COMMD1: variants seen among roughly 807,000 people sequenced by gnomAD.
COMMD1 encodes the protein COMM domain-containing protein 1.
COMMD1 carries 10 observed loss-of-function variants against 17.2 expected under a neutral mutation model. That is an observed-to-expected ratio of 0.58 (90% CI 0.36 to 0.99). COMMD1 has a LOEUF of 0.99. Ranked by LOEUF, COMMD1 falls within the 50% of genes least tolerant of loss-of-function variation. The probability of loss-of-function intolerance (pLI) is 0.01; values close to 1 mark genes in which losing one functional copy is unlikely to be tolerated. For missense variants in COMMD1, 270 were observed against 231.8 expected, an observed-to-expected ratio of 1.17 and a Z score of -1.07; for synonymous variants, 97 against 91.6, an observed-to-expected ratio of 1.06 and a Z score of -0.34.
intron 2 of COMMD1, among the ~76,000 whole-genome samples, chr2:62,066,778 T>G (rs914489686): frequency 6.6e-6 from 1 of 151,598 alleles, no homozygotes; most frequent in African/African-American, 2.4e-5. Flanking sequence ...CAGGCTGGAG[T>G]GCAGAGGTGG....
intron 1 of COMMD1, among the ~76,000 whole-genome samples, chr2:61,946,538 C>G (rs967096895): frequency 8.5e-5 from 13 of 152,290 alleles, no homozygotes; most frequent in African/African-American, 3.1e-4. Flanking sequence ...ATCTTTTACA[C>G]AGTCTCTCAT....
chr2:61,986,410 A>G (rs4130742), intron 1 of COMMD1, among the ~76,000 whole-genome samples: 17,919 of 151,862 alleles, frequency 0.12, 2,538 homozygotes, highest in African/African-American at 0.34. Context: ...TTCTTGAATA[A>G]TGATGTCTTT....
chr2:61,951,194 T>C, intron 1 of COMMD1, among the ~76,000 whole-genome samples: 1 of 152,174 alleles, frequency 6.6e-6, no homozygotes, highest in East Asian at 1.9e-4. Flanking sequence ...CTGGGCACAG[T>C]GGCTTATATC....
rs908939226 is a variant in COMMD1 at position 61,991,636 on chromosome 2, T to A, written c.181-9065T>A. On this transcript the variant is annotated intron_variant, in intron 1 of 2. Coordinates refer to ENST00000311832, the MANE Select transcript of COMMD1 (RefSeq NM_152516.4). The stretch of plus-strand genomic sequence containing the variant: ...GGGGAAGCCATACTTGAACTGAGTC[T>A]TGAATGGTGAATAGAAATTAATCTG... Among the ~76,000 whole-genome samples, 13 of 152,308 alleles carry A rather than the reference T, an allele frequency of 8.5e-5. No homozygotes were observed. In the East Asian group the frequency reaches 1.5e-3, roughly 18 times the overall value.
intron 2 of COMMD1, among the ~76,000 whole-genome samples, chr2:62,025,495 A>G (rs1669729847): frequency 6.6e-6 from 1 of 152,204 alleles, no homozygotes; most frequent in Non-Finnish European, 1.5e-5. Context: ...GTGCCACTGC[A>G]TTCCAGCCTG....
intron 2 of COMMD1, among the ~76,000 whole-genome samples, chr2:62,117,742 C>T (rs1287016966): frequency 6.6e-6 from 1 of 152,122 alleles, no homozygotes; most frequent in African/African-American, 2.4e-5. Context: ...TCTGGCTCCC[C>T]CTGAATTTGC....
intron 2 of COMMD1, among the ~76,000 whole-genome samples, chr2:62,038,333 A>G (rs1237290938): frequency 6.6e-6 from 1 of 152,092 alleles, no homozygotes; most frequent in Non-Finnish European, 1.5e-5. Context: ...AATAACCAAA[A>G]AACGATGAAT....
At chr2:62,087,834 A>G (rs964846010) in intron 2 of COMMD1, among the ~76,000 whole-genome samples, 7 of 152,192 alleles carry the variant, frequency 4.6e-5, no homozygotes, top group African/African-American at 1.7e-4. Context: ...GTAGGGAGAT[A>G]ATATCCATGT....
Position 61,982,056 on chromosome 2 carries a change from A to C in COMMD1, c.181-18645A>C, listed in dbSNP as rs1395923002. The stretch of plus-strand genomic sequence containing the variant: ...TGGTATTTTGATAGGGATTGCATTG[A>C]ATCTGTAGATTGCTTTGCATAGTAT... On this transcript the variant is annotated intron_variant, in intron 1 of 2. Coordinates refer to ENST00000311832, the MANE Select transcript of COMMD1 (RefSeq NM_152516.4). Among the ~76,000 whole-genome samples the C allele has an allele frequency of 2.6e-5, 4 of 152,200 alleles. No homozygotes were observed. In the East Asian group the frequency reaches 7.7e-4, roughly 29 times the overall value.
chr2:62,132,731 C>T (rs1032736575), intron 2 of COMMD1, among the ~76,000 whole-genome samples: 1 of 152,026 alleles, frequency 6.6e-6, no homozygotes, highest in Non-Finnish European at 1.5e-5. Context: ...CACCTGTAAT[C>T]CCAGCCACTC....
At chr2:61,950,724 G>A (rs1013891979) in intron 1 of COMMD1, among the ~76,000 whole-genome samples, 2 of 152,182 alleles carry the variant, frequency 1.3e-5, no homozygotes, top group African/African-American at 4.8e-5. Context: ...TAATTGACCT[G>A]ATAACTGAGA....
chr2:61,920,885 A>G (rs575112177), intron 1 of COMMD1, among the ~76,000 whole-genome samples: 1 of 150,930 alleles, frequency 6.6e-6, no homozygotes, highest in Non-Finnish European at 1.5e-5. Context: ...GTTTATATAT[A>G]TATATAAATG....
At chr2:62,072,303 C>T (rs1007415211) in intron 2 of COMMD1, among the ~76,000 whole-genome samples, 19 of 152,034 alleles carry the variant, frequency 1.2e-4, no homozygotes, top group Non-Finnish European at 2.6e-4. Context: ...AGAACTTCCT[C>T]GATGCCTTTT....
At chr2:62,071,319 G>A (rs1671193497) in intron 2 of COMMD1, among the ~76,000 whole-genome samples, 1 of 152,214 alleles carries the variant, frequency 6.6e-6, no homozygotes, top group African/African-American at 2.4e-5. Context: ...AATAAGCAGT[G>A]AGGATGACCA....
At chr2:62,046,539 T>C (rs1001821165) in intron 2 of COMMD1, among the ~76,000 whole-genome samples, 3 of 152,192 alleles carry the variant, frequency 2.0e-5, no homozygotes, top group African/African-American at 7.2e-5. Flanking sequence ...TACTACTATT[T>C]TCTGCCTGAA....
At chr2:61,907,286 T>C (rs1669796585) in intron 1 of COMMD1, among the ~76,000 whole-genome samples, 1 of 152,182 alleles carries the variant, frequency 6.6e-6, no homozygotes, top group Non-Finnish European at 1.5e-5. Flanking sequence ...TTTGTATTTT[T>C]AGTAGAGACT....
intron 1 of COMMD1, among the ~76,000 whole-genome samples, chr2:61,938,043 A>C (rs776230697): frequency 1.3e-5 from 2 of 152,152 alleles, no homozygotes; most frequent in Non-Finnish European, 2.9e-5. Flanking sequence ...GATTGGGCCC[A>C]GTGGGATTGT....
rs115363069 is a variant in COMMD1, at chr2:61,947,799, G to A, written c.180+41941G>A. The stretch of plus-strand genomic sequence containing the variant: ...AATTCCACCCTCAGGCAATCCTCCC[G>A]CCTCAGCCTCCTGAGGTAGCTGGGC... On this transcript the variant is annotated intron_variant, in intron 1 of 2. Coordinates refer to ENST00000311832, the MANE Select transcript of COMMD1 (RefSeq NM_152516.4). 8.3e-3 allele frequency among the ~76,000 whole-genome samples: 1,197 copies of A among 144,356 alleles called. 18 individuals are homozygous for A. Among genetic ancestry groups the A allele is most frequent in the African/African-American group, 0.03 (1,155 of 38,540 alleles). 94.7% of individuals were successfully genotyped at this position (144,356 alleles called of 152,430 possible).
intron 1 of COMMD1, among the ~76,000 whole-genome samples, chr2:61,994,547 C>A (rs1210187590): frequency 3.9e-5 from 6 of 151,986 alleles, no homozygotes; most frequent in Non-Finnish European, 7.4e-5. Flanking sequence ...CTGCCACCAC[C>A]CTCTTTTAGT....
Sources: allele counts gnomAD v4.1 joint callset (sites outside exome capture counted in the v4.1 genomes callset), GRCh38; gene constraint gnomAD v4.1.1; transcripts MANE v1.5; gene names NCBI Gene and HGNC (gene_info 2026-07-23, HGNC 2026-07-21).